PEX5L: variants seen among roughly 807,000 people sequenced by gnomAD.
The protein encoded by PEX5L is peroxisomal biogenesis factor 5 like.
PEX5L carries 30 observed loss-of-function variants against 84.0 expected under a neutral mutation model. That is an observed-to-expected ratio of 0.36 (90% CI 0.27 to 0.48). The LOEUF is 0.48. Ranked by LOEUF, PEX5L falls within the 20% of genes least tolerant of loss-of-function variation. The probability of loss-of-function intolerance (pLI) is 0.99; values close to 1 mark genes in which losing one functional copy is unlikely to be tolerated. For synonymous variants in PEX5L, 270 were observed against 283.1 expected, an observed-to-expected ratio of 0.95 and a Z score of 0.46; for missense variants, 533 against 754.6, an observed-to-expected ratio of 0.71 and a Z score of 3.44.
intron 8 of PEX5L, among the ~76,000 whole-genome samples, chr3:179,853,141 A>G (rs6777749): frequency 0.48 from 73,105 of 151,808 alleles, 19,036 homozygotes; most frequent in East Asian, 0.75. Flanking sequence ...TACTTGAGTG[A>G]TCACCTGGTT....
chr3:179,805,123 A>C (rs1720732177), intron 14 of PEX5L, among the ~76,000 whole-genome samples: 1 of 151,742 alleles, frequency 6.6e-6, no homozygotes, highest in South Asian at 2.1e-4. Flanking sequence ...CTCAAAAAAA[A>C]AAATTACGTC....
At chr3:180,007,029 G>A (rs189755487) in intron 1 of PEX5L, among the ~76,000 whole-genome samples, 63 of 152,070 alleles carry the variant, frequency 4.1e-4, no homozygotes, top group African/African-American at 1.4e-3. Flanking sequence ...AACTCATTTC[G>A]GCATTAACCC....
chr3:179,896,912 A>T (rs1186772869), intron 3 of PEX5L, among the ~76,000 whole-genome samples: 1 of 152,176 alleles, frequency 6.6e-6, no homozygotes, highest in Non-Finnish European at 1.5e-5. Flanking sequence ...GTAAATATCA[A>T]GCAAATTTCT....
chr3:179,942,262 G>T (rs1776344618), intron 2 of PEX5L, among the ~76,000 whole-genome samples: 1 of 152,152 alleles, frequency 6.6e-6, no homozygotes, highest in East Asian at 1.9e-4. Context: ...TTTCTCCTCC[G>T]AGGGCTCCTT....
intron 1 of PEX5L, among the ~76,000 whole-genome samples, chr3:180,010,246 CTTTT>C (rs1178375452): frequency 9.5e-6 from 1 of 105,180 alleles, no homozygotes. Flanking sequence ...CACCCGGCCT[CTTTT>C]TTTTTTTTTT....
intron 1 of PEX5L, among the ~76,000 whole-genome samples, chr3:180,009,000 T>C (rs1314812961): frequency 1.3e-5 from 2 of 152,250 alleles, no homozygotes; most frequent in African/African-American, 4.8e-5. Context: ...TAACCTCATT[T>C]CATTGTGTAT....
intron 2 of PEX5L, among the ~76,000 whole-genome samples, chr3:179,950,674 T>C (rs1778851511): frequency 6.6e-6 from 1 of 152,192 alleles, no homozygotes; most frequent in Admixed American, 6.5e-5. Flanking sequence ...GCTGAGGCAC[T>C]TACAGTCTAG....
intron 8 of PEX5L, among the ~76,000 whole-genome samples, chr3:179,826,659 T>G (rs1217031053): frequency 3.9e-5 from 6 of 152,140 alleles, no homozygotes; most frequent in Non-Finnish European, 8.8e-5. Flanking sequence ...GTGTTCCGTA[T>G]GATAACAGGT....
rs35082123 is a variant in PEX5L at position 179,809,671 on chromosome 3, G to GAAA, written c.1155-6_1155-4dup. ...TGTTGGGCTGTAATTCTAAGCACCT[G>GAAA]AAAAAAAAAAAGAAGCCAATTTCAG... On this transcript the variant is annotated splice_region_variant and splice_polypyrimidine_tract_variant and intron_variant, in intron 11 of 14. Transcript: ENST00000467460. 7,099 of 1,378,954 alleles carry GAAA rather than the reference G, an allele frequency of 5.1e-3. No homozygotes were observed. The highest frequency in any genetic ancestry group is 7.5e-3 in the African/African-American group (501 of 66,892). The allele number at this position is 1,378,954 out of a possible 1,614,324, so 85.4% of individuals were successfully genotyped here.
At chr3:179,833,078 A>G (rs1179341931) in intron 8 of PEX5L, among the ~76,000 whole-genome samples, 8 of 152,190 alleles carry the variant, frequency 5.3e-5, no homozygotes, top group Non-Finnish European at 1.2e-4. Flanking sequence ...ATCCAGTCCA[A>G]CTCCTCCTTA....
Position 179,807,972 on chromosome 3 carries a change from TA to T in PEX5L, c.1519-142del. ...TGGAGACCATGGCCAGGTGAATTAC[TA>T]AAAAATCTTCACGGACAGTTTTGTC... On this transcript the variant is annotated intron_variant, in intron 13 of 14. Coordinates refer to ENST00000467460, the MANE Select transcript of PEX5L (RefSeq NM_016559.3). The T allele has an allele frequency of 4.1e-6, 3 of 736,534 alleles. No individual in the cohort carries two copies. The East Asian group carries it at 7.9e-5, about 19-fold the overall frequency. The allele number at this position is 736,534 out of a possible 1,614,324, so 45.6% of individuals were successfully genotyped here.
At chr3:180,016,659 C>T (rs1167256434) in intron 1 of PEX5L, among the ~76,000 whole-genome samples, 1 of 152,192 alleles carries the variant, frequency 6.6e-6, no homozygotes, top group Non-Finnish European at 1.5e-5. Flanking sequence ...TTGACCTTCA[C>T]CCATGAAGTG....
At chr3:179,910,765 C>A (rs1764894598) in intron 2 of PEX5L, among the ~76,000 whole-genome samples, 1 of 152,102 alleles carries the variant, frequency 6.6e-6, no homozygotes, top group Admixed American at 6.6e-5. Context: ...TTTAATAAAG[C>A]CAGTTTCCCT....
At chr3:179,914,082 G>C (rs939797310) in intron 2 of PEX5L, among the ~76,000 whole-genome samples, 1 of 152,140 alleles carries the variant, frequency 6.6e-6, no homozygotes, top group African/African-American at 2.4e-5. Context: ...TTGACTAACA[G>C]AGATTGATGT....
chr3:179,922,052 A>G (rs1769621852), intron 2 of PEX5L, among the ~76,000 whole-genome samples: 1 of 150,180 alleles, frequency 6.7e-6, no homozygotes, highest in Admixed American at 6.6e-5. Flanking sequence ...CCCCCAACAC[A>G]TAATGTATAT....
At chr3:179,971,302 C>T (rs1357702682) in intron 2 of PEX5L, among the ~76,000 whole-genome samples, 2 of 151,962 alleles carry the variant, frequency 1.3e-5, no homozygotes, top group Non-Finnish European at 2.9e-5. Flanking sequence ...CCCAGATTAT[C>T]ATTGGTGTTT....
At chr3:179,960,212 A>G (rs1425775166) in intron 2 of PEX5L, among the ~76,000 whole-genome samples, 1 of 152,216 alleles carries the variant, frequency 6.6e-6, no homozygotes, top group Non-Finnish European at 1.5e-5. Flanking sequence ...TGCAATCTAT[A>G]TCCTCTACTT....
At chr3:179,849,154 C>T (rs2108429938) in intron 8 of PEX5L, among the ~76,000 whole-genome samples, 1 of 152,284 alleles carries the variant, frequency 6.6e-6, no homozygotes, top group South Asian at 2.1e-4. Flanking sequence ...AAATGGACCT[C>T]AAGAATCATC....
At chr3:179,847,951 G>A (rs1740244411) in intron 8 of PEX5L, among the ~76,000 whole-genome samples, 1 of 150,850 alleles carries the variant, frequency 6.6e-6, no homozygotes, top group Non-Finnish European at 1.5e-5. Context: ...TCCTGCCTTG[G>A]TGTTCCAACG....
Sources: allele counts gnomAD v4.1 joint callset (sites outside exome capture counted in the v4.1 genomes callset), GRCh38; gene constraint gnomAD v4.1.1; transcripts MANE v1.5; gene names NCBI Gene and HGNC (gene_info 2026-07-23, HGNC 2026-07-21).